The following DLG2 variants were observed in gnomAD, a reference collection of about 807,000 sequenced individuals.
DLG2 encodes the protein discs large MAGUK scaffold protein 2.
DLG2 carries 45 observed loss-of-function variants against 132.5 expected under a neutral mutation model. The ratio of observed to expected loss-of-function variants is 0.34; its 90% CI spans 0.27 to 0.44. DLG2 has a LOEUF of 0.44. Among genes scored for constraint, DLG2 ranks in the 20% least tolerant of loss-of-function variants. The probability of loss-of-function intolerance (pLI) is 1.00; values close to 1 mark genes in which losing one functional copy is unlikely to be tolerated. For synonymous variants in DLG2, 424 were observed against 419.6 expected (o/e 1.01, Z -0.13); for missense variants, 1,045 against 1,196.9 (o/e 0.87, Z 1.87).
intron 6 of DLG2, among the ~76,000 whole-genome samples, chr11:84,928,462 C>T (rs1380033493): frequency 6.6e-6 from 1 of 151,816 alleles, no homozygotes; most frequent in Non-Finnish European, 1.5e-5. Context: ...AGTCCCATTA[C>T]CTAGAACATG....
At chr11:84,827,334 G>A (rs543195370) in intron 6 of DLG2, among the ~76,000 whole-genome samples, 24 of 151,232 alleles carry the variant, frequency 1.6e-4, no homozygotes, top group Non-Finnish European at 2.2e-4. Context: ...ATGACTAGAA[G>A]ACAGCTCAGA....
At chr11:84,839,606 A>G (rs1194299386) in intron 6 of DLG2, among the ~76,000 whole-genome samples, 3 of 152,180 alleles carry the variant, frequency 2.0e-5, no homozygotes, top group Admixed American at 6.5e-5. Context: ...TTACAAGGCT[A>G]CAGTAACCAA....
At chr11:84,977,484 C>A (rs651661) in intron 6 of DLG2, among the ~76,000 whole-genome samples, 2 of 151,984 alleles carry the variant, frequency 1.3e-5, no homozygotes, top group Non-Finnish European at 2.9e-5. Flanking sequence ...AAGCCAATCA[C>A]TTTTCCATTA....
chr11:83,880,007 C>T (rs1032692933), intron 15 of DLG2, among the ~76,000 whole-genome samples: 3 of 152,142 alleles, frequency 2.0e-5, no homozygotes, highest in African/African-American at 7.2e-5. Flanking sequence ...TCATGAAGAG[C>T]ATGACCAAGA....
chr11:83,687,366 C>T (rs902234896), intron 18 of DLG2, among the ~76,000 whole-genome samples: 4 of 152,062 alleles, frequency 2.6e-5, no homozygotes, highest in Admixed American at 6.6e-5. Context: ...TTGGCAGGGC[C>T]GGGCTTTAAA....
chr11:84,595,078 A>C (rs1401927426), intron 6 of DLG2, among the ~76,000 whole-genome samples: 1 of 152,150 alleles, frequency 6.6e-6, no homozygotes, highest in Non-Finnish European at 1.5e-5. Context: ...TTGAGAAGAT[A>C]CTCATTTTAT....
intron 6 of DLG2, among the ~76,000 whole-genome samples, chr11:84,955,039 T>G (rs2051458852): frequency 6.6e-6 from 1 of 152,182 alleles, no homozygotes; most frequent in South Asian, 2.1e-4. Context: ...AGATAATATG[T>G]AAATGATACA....
At chr11:83,486,345 G>T in intron 21 of DLG2, 1 of 558,260 alleles carries the variant, frequency 1.8e-6, no homozygotes, top group Non-Finnish European at 3.2e-6. Context: ...CCAATGACTT[G>T]TCATGCAAAA....
Position 83,459,677 on chromosome 11 carries a change from T to C in DLG2, c.*141A>G, listed in dbSNP as rs1226275956. On this transcript the variant is annotated 3_prime_UTR_variant, in exon 28 of 28. Transcript: ENST00000376104. ...TGTTTCCTTCATGGCTTCATACAGT[T>C]TGTGTTGTACATTCGTAAGAATTCA... The C allele has an allele frequency of 1.0e-5, 6 of 588,556 alleles. No individual in the cohort carries two copies. The highest frequency in any genetic ancestry group is 1.5e-5 in the Non-Finnish European group (5 of 327,946). The allele number at this position is 588,556 out of a possible 1,614,324, so 36.5% of individuals were successfully genotyped here. A position where few individuals can be genotyped will look rare whatever the true frequency, so the allele number is the denominator to read the frequency against.
intron 9 of DLG2, among the ~76,000 whole-genome samples, chr11:84,143,111 C>T (rs948171872): frequency 6.6e-5 from 10 of 152,120 alleles, no homozygotes; most frequent in Non-Finnish European, 7.4e-5. Flanking sequence ...TCAGTTTCAA[C>T]GTTGAGCATC....
At chr11:85,071,171 A>T (rs1245650945) in intron 6 of DLG2, among the ~76,000 whole-genome samples, 1 of 151,894 alleles carries the variant, frequency 6.6e-6, no homozygotes, top group Non-Finnish European at 1.5e-5. Context: ...TCATTTAACT[A>T]CTGTGGACAG....
chr11:83,765,553 A>T (rs2094108030), intron 18 of DLG2, among the ~76,000 whole-genome samples: 1 of 152,246 alleles, frequency 6.6e-6, no homozygotes, highest in Non-Finnish European at 1.5e-5. Flanking sequence ...TGTACACCAT[A>T]GGCTGGATTT....
At chr11:83,593,662 T>TAA (rs566349149) in intron 19 of DLG2, among the ~76,000 whole-genome samples, 3 of 140,966 alleles carry the variant, frequency 2.1e-5, no homozygotes, top group African/African-American at 7.9e-5. Context: ...AGAAATATAT[T>TAA]AAAAAAAAAA....
intron 8 of DLG2, among the ~76,000 whole-genome samples, chr11:84,194,902 T>C (rs114376422): frequency 0.038 from 5,777 of 152,204 alleles, 312 homozygotes; most frequent in African/African-American, 0.13. Context: ...GCGGGGCCTA[T>C]TGAGCCTGCG....
chr11:84,576,773 T>C (rs949757569), intron 6 of DLG2, among the ~76,000 whole-genome samples: 3 of 152,166 alleles, frequency 2.0e-5, no homozygotes, highest in African/African-American at 7.2e-5. Context: ...AAAGAATCTA[T>C]GTGGATTTTT....
chr11:83,670,810 G>A (rs1258093527), intron 18 of DLG2, among the ~76,000 whole-genome samples: 1 of 151,968 alleles, frequency 6.6e-6, no homozygotes, highest in African/African-American at 2.4e-5. Flanking sequence ...AACATTAGAA[G>A]GGAATCTAAG....
At chr11:83,490,837 A>G (rs966320205) in intron 21 of DLG2, among the ~76,000 whole-genome samples, 3 of 152,012 alleles carry the variant, frequency 2.0e-5, no homozygotes, top group African/African-American at 7.2e-5. Flanking sequence ...ATTAAAGGAG[A>G]TAAGGAAATA....
At chr11:84,974,648 T>C (rs954289950) in intron 6 of DLG2, among the ~76,000 whole-genome samples, 1 of 152,116 alleles carries the variant, frequency 6.6e-6, no homozygotes. Flanking sequence ...CTTCAAAGAG[T>C]GCTACTGCAT....
At chr11:85,461,760 G>C (rs1356228585) in intron 3 of DLG2, among the ~76,000 whole-genome samples, 1 of 151,994 alleles carries the variant, frequency 6.6e-6, no homozygotes, top group Non-Finnish European at 1.5e-5. Flanking sequence ...CCCTATTATG[G>C]ACTGAATAAA....
Sources: allele counts gnomAD v4.1 joint callset (sites outside exome capture counted in the v4.1 genomes callset), GRCh38; gene constraint gnomAD v4.1.1; transcripts MANE v1.5; gene names NCBI Gene and HGNC (gene_info 2026-07-23, HGNC 2026-07-21).